SALL4: variants seen among roughly 807,000 people sequenced by gnomAD.
The protein encoded by SALL4 is spalt like transcription factor 4.
In SALL4, 4 loss-of-function variants were observed where a neutral mutation model predicts 60.8. The observed-to-expected ratio is 0.07, with a 90% CI of 0.03 to 0.15. The LOEUF is 0.15. Ranked by LOEUF, SALL4 falls within the 10% of genes least tolerant of loss-of-function variation. The pLI is 1.00. For synonymous variants in SALL4, 580 were observed against 574.9 expected (o/e 1.01, Z -0.13); for missense variants, 1,178 against 1,394.7 (o/e 0.84, Z 2.48).
chr20:51,802,412 G>T lies in SALL4; in HGVS notation c.-4C>A, dbSNP rs2078116820. 1 of 1,612,562 alleles carries T rather than the reference G, an allele frequency of 6.2e-7. No individual in the cohort carries two copies. On this transcript the variant is annotated 5_prime_UTR_variant, in exon 1 of 4. Coordinates refer to ENST00000217086, the MANE Select transcript of SALL4 (RefSeq NM_020436.5). ...TCGCCTGCTTGCGCCTCGACATGGTGCGAGCATCGGGGCGCCGGGAGAGCC... is the reference window on the plus strand; with the variant it reads ...TCGCCTGCTTGCGCCTCGACATGGTTCGAGCATCGGGGCGCCGGGAGAGCC...
In SALL4 at chr20:51,784,397, G is replaced by T. The variant is rs748658171; in HGVS notation, c.3030C>A (p.Asn1010Lys). Reference sequence around the variant, plus strand: ...AGCCATCCATCTTGGAGACAGTGGCGTTATTCACAACGGAGGTGGCCCCCA... The same window carrying T: ...AGCCATCCATCTTGGAGACAGTGGCTTTATTCACAACGGAGGTGGCCCCCA... ...VSLGATSVVN[N>K]ATVSKMDGSQ... is the part of the protein sequence containing the mutation. The change falls in exon 4 of 4, where the codon AAC becomes AAA. Residue 1010 changes from asparagine to lysine, a missense_variant. Transcript: ENST00000217086. 10 of 1,614,042 alleles carry T rather than the reference G, an allele frequency of 6.2e-6. No individual in the cohort carries two copies. Among genetic ancestry groups the T allele is most frequent in the African/African-American group, 1.3e-5 (1 of 74,918 alleles).
Position 51,791,323 on chromosome 20 carries a change from C to T in SALL4, c.1160G>A (p.Cys387Tyr), listed in dbSNP as rs1376990359. The change falls in exon 2 of 4, where the codon TGT becomes TAT. Residue 387 changes from cysteine to tyrosine, a missense_variant. Physicochemically the swap from Cys to Tyr is radical, Grantham distance 194 (BLOSUM62 -2). Coordinates refer to ENST00000217086, the MANE Select transcript of SALL4 (RefSeq NM_020436.5). The surrounding 1 kb of genome is among the most constrained non-coding windows in gnomAD (Gnocchi z 4.6). ...GCTATCAGTCCCAAAAACCTTGCTA[C>T]AGTACTTACACTTGTGCTTGTAGAG... is the stretch of plus-strand genomic sequence containing the variant. ...AALYKHKCKY[C>Y]SKVFGTDSSL... The T allele has an allele frequency of 2.5e-6, 4 of 1,614,164 alleles. No individual in the cohort carries two copies. The highest frequency in any genetic ancestry group is 2.2e-5 in the South Asian group (2 of 91,080).
At position 51,791,857 on chromosome 20, in the gene SALL4, T is replaced by C. The variant is rs1194108021; in HGVS notation, c.626A>G (p.Asn209Ser). 3 of 1,614,054 alleles carry C rather than the reference T, an allele frequency of 1.9e-6. No homozygotes were observed. The African/African-American group carries it at 4.0e-5, about 22-fold the overall frequency. Residue 209 changes from asparagine (N) to serine (S), a missense_variant, in exon 2 of 4, where the codon AAC becomes AGC. By Grantham distance (46) the Asn-to-Ser change is conservative. Coordinates refer to ENST00000217086, the MANE Select transcript of SALL4 (RefSeq NM_020436.5). This position sits in a 1 kb window ranked among gnomAD's most constrained non-coding sequence, Gnocchi z 4.6. ...CTGCTCGAGGACCCACGGGATGCTG[T>C]TGGCACCAGGCACGGGGGCAGGGAG... The part of the protein sequence containing the change: ...DALPAPVPGA[N>S]SIPWVLEQIL...
At chr20:51,789,386 T>C (rs1422467716) in intron 2 of SALL4, among the ~76,000 whole-genome samples, 1 of 151,946 alleles carries the variant, frequency 6.6e-6, no homozygotes, top group Non-Finnish European at 1.5e-5. Context: ...TATAAACACA[T>C]ATGTAATTTA....
chr20:51,798,345 G>A (rs555421980), intron 1 of SALL4, among the ~76,000 whole-genome samples: 1 of 151,696 alleles, frequency 6.6e-6, no homozygotes, highest in South Asian at 2.1e-4. Context: ...TGTCCCACTC[G>A]TCCCCAACTA....
intron 2 of SALL4, 29 bp from the exon 3 acceptor site, chr20:51,789,170 C>A (rs377050048): frequency 5.5e-5 from 88 of 1,611,214 alleles, no homozygotes; most frequent in Non-Finnish European, 7.3e-5. Flanking sequence ...AAAAGCCAGA[C>A]CTTTATCATC....
rs147158259 is a variant in SALL4, at chr20:51,789,120, G to A, written c.2483C>T (p.Thr828Met). The part of the protein sequence containing the change: ...EMEGRSSLPS[T>M]FIRAPPTYVK... Reference sequence around the variant, plus strand: ...ATAGGTCGGCGGGGCTCGGATAAACGTGGAAGGGAGACTGCTCCGACCTAG... The same window carrying A: ...ATAGGTCGGCGGGGCTCGGATAAACATGGAAGGGAGACTGCTCCGACCTAG... The change falls in exon 3 of 4, where the codon ACG (threonine) becomes ATG (methionine). Residue 828 changes from threonine (T) to methionine (M), a missense_variant. By Grantham distance (81) the Thr-to-Met change is moderately conservative. Transcript: ENST00000217086. 3.6e-4 allele frequency: 585 copies of A among 1,614,132 alleles called. 3 individuals carry two copies. In the African/African-American group the frequency reaches 7.2e-3, roughly 20 times the overall value.
chr20:51,787,534 T>A (rs1222341704), intron 3 of SALL4, among the ~76,000 whole-genome samples: 2 of 152,306 alleles, frequency 1.3e-5, no homozygotes, highest in East Asian at 3.9e-4. Context: ...GGGAATAGGA[T>A]GCTATTTAAT....
Position 51,791,706 on chromosome 20 carries a change from G to T in SALL4, c.777C>A (p.Thr259=). 6.2e-7 allele frequency: 1 copy of T among 1,614,202 alleles called. No individual in the cohort carries two copies. The highest frequency in any genetic ancestry group is 1.3e-5 in the African/African-American group (1 of 75,076). Residue 259 remains threonine, a synonymous_variant, in exon 2 of 4, where the codon ACC becomes ACA. Coordinates refer to ENST00000217086, the MANE Select transcript of SALL4 (RefSeq NM_020436.5). The surrounding 1 kb of genome is among the most constrained non-coding windows in gnomAD (Gnocchi z 4.6). ...CCTGCTGAGACATGTGGCTGCCCAA[G>T]GTCTTCAGAGTGTCGGCCCCTGCCC... ...SSGAGADTLK[T]LGSHMSQQVS...
rs897547265 is a variant in SALL4, at chr20:51,801,222, G to A, written c.130+1057C>T. ...ACCGCCTCGCTCCTAAAACCTCCGC[G>A]GTGAAGTGATGAAGTGGGAACAGAG... On this transcript the variant is annotated intron_variant, in intron 1 of 3. Transcript: ENST00000217086. This position sits in a 1 kb window ranked among gnomAD's most constrained non-coding sequence, Gnocchi z 5.2. 2.0e-5 allele frequency among the ~76,000 whole-genome samples: 3 copies of A among 152,172 alleles called. No individual in the cohort carries two copies. The highest frequency in any genetic ancestry group is 4.8e-5 in the African/African-American group (2 of 41,462).
At chr20:51,786,239 G>A (rs1366215373) in intron 3 of SALL4, among the ~76,000 whole-genome samples, 1 of 151,550 alleles carries the variant, frequency 6.6e-6, no homozygotes, top group African/African-American at 2.4e-5. Context: ...GGCGCCCACC[G>A]CCACCACGCC....
In SALL4 at chr20:51,801,775, G is replaced by T. The variant is rs1474121467; in HGVS notation, c.130+504C>A. On this transcript the variant is annotated intron_variant, in intron 1 of 3. Coordinates refer to ENST00000217086, the MANE Select transcript of SALL4 (RefSeq NM_020436.5). The surrounding 1 kb of genome is among the most constrained non-coding windows in gnomAD (Gnocchi z 5.2). The stretch of plus-strand genomic sequence containing the variant: ...TGGCCCGGGAGGGGCGCGTGCAACA[G>T]ATCGTCCTCCTCCGGGGGGTCTTCC... Among the ~76,000 whole-genome samples, 5 of 152,056 alleles carry T rather than the reference G, an allele frequency of 3.3e-5. No individual in the cohort carries two copies. Among genetic ancestry groups the T allele is most frequent in the Admixed American group, 2.6e-4 (4 of 15,284 alleles).
At chr20:51,800,789 G>A (rs558536018) in intron 1 of SALL4, among the ~76,000 whole-genome samples, 31 of 151,582 alleles carry the variant, frequency 2.0e-4, no homozygotes, top group African/African-American at 6.8e-4. Context: ...GGGACCTCGG[G>A]TGCGCGCTGC....
chr20:51,790,397 C>T lies in SALL4; in HGVS notation c.2086G>A (p.Val696Ile), dbSNP rs779934406. ...CTGCTGGGAGCCTCCTGGGAGCTGA[C>T]TTCCTCTACATCGATGCTTTCGATG... is the stretch of plus-strand genomic sequence containing the variant. ...DVIESIDVEE[V>I]SSQEAPSSSS... The change falls in exon 2 of 4, where the codon GTC becomes ATC. Residue 696 changes from valine to isoleucine, a missense_variant. Transcript: ENST00000217086. This position sits in a 1 kb window ranked among gnomAD's most constrained non-coding sequence, Gnocchi z 5.5. 1.2e-6 allele frequency: 2 copies of T among 1,614,124 alleles called. No individual in the cohort carries two copies. Among genetic ancestry groups the T allele is most frequent in the South Asian group, 1.1e-5 (1 of 91,086 alleles).
intron 1 of SALL4, 77 bp from the exon 2 acceptor site, chr20:51,792,429 C>G: frequency 6.4e-7 from 1 of 1,554,294 alleles, no homozygotes; most frequent in South Asian, 1.1e-5. Flanking sequence ...TCGCTCACAT[C>G]TATAATCCTA....
rs931780768 is a variant in SALL4 at position 51,801,857 on chromosome 20, G to C, written c.130+422C>G. ...AAGCCCCAAGGGGCTGGTGGAGAGG[G>C]TGGGGATCCCCCGGGGTTCTTTCTT... On this transcript the variant is annotated intron_variant, in intron 1 of 3. Transcript: ENST00000217086. The surrounding 1 kb of genome is among the most constrained non-coding windows in gnomAD (Gnocchi z 5.2). 6.6e-6 allele frequency among the ~76,000 whole-genome samples: 1 copy of C among 151,458 alleles called. No homozygotes were observed.
In SALL4 at chr20:51,788,892, C is replaced by T. The variant is rs745795145; in HGVS notation, c.2711G>A (p.Gly904Glu). The T allele has an allele frequency of 6.2e-7, 1 of 1,614,210 alleles. No individual in the cohort carries two copies. Among genetic ancestry groups the T allele is most frequent in the South Asian group, 1.1e-5 (1 of 91,084 alleles). Residue 904 changes from glycine (G) to glutamate (E), a missense_variant, in exon 3 of 4, where the codon GGG becomes GAG. Physicochemically the swap from Gly to Glu is moderately conservative, Grantham distance 98. Around this residue, in one of 5 missense-constraint regions of SALL4, gnomAD observed 37 missense variants for 73.5 expected, o/e 0.50. Transcript: ENST00000217086. The surrounding 1 kb of genome is among the most constrained non-coding windows in gnomAD (Gnocchi z 4.1). Reference sequence around the variant, plus strand: ...GTTGCCTTTGGTGGTAAAAGCTCGCCCACAAATGTTGCACACAAAAGGCTT... The same window carrying T: ...GTTGCCTTTGGTGGTAAAAGCTCGCTCACAAATGTTGCACACAAAAGGCTT... The part of the protein sequence containing the change: ...GEKPFVCNIC[G>E]RAFTTKGNLK...
intron 1 of SALL4, chr20:51,792,671 AGAGC>A: frequency 1.9e-6 from 1 of 516,988 alleles, no homozygotes; most frequent in East Asian, 1.2e-4. Context: ...CCTGAGCGAC[AGAGC>A]GAGACTCCAT....
In SALL4 at chr20:51,789,038, C is replaced by T. The variant is rs1426060741; in HGVS notation, c.2565G>A (p.Met855Ile). 1.2e-6 allele frequency: 2 copies of T among 1,614,180 alleles called. No individual in the cohort carries two copies. The highest frequency in any genetic ancestry group is 2.2e-5 in the South Asian group (2 of 91,072). ...FVGPSTLSPG[M>I]TPLLAAQPRR... ...GTGGCTGGGCTGCTAACAAAGGGGT[C>T]ATCCCTGGGGACAATGTCGAGGGTC... Residue 855 changes from methionine to isoleucine, a missense_variant, in exon 3 of 4, where the codon ATG (methionine) becomes ATA (isoleucine). Met to Ile is a conservative substitution (Grantham distance 10). Transcript: ENST00000217086.
Sources: allele counts gnomAD v4.1 joint callset (sites outside exome capture counted in the v4.1 genomes callset), GRCh38; gene constraint gnomAD v4.1.1; regional missense constraint gnomAD v4.1.1; non-coding constraint Gnocchi (gnomAD v3.1); transcripts MANE v1.5; gene names NCBI Gene and HGNC (gene_info 2026-07-23, HGNC 2026-07-21).